Variants in CNTN6 observed in about 807,000 individuals in gnomAD.
CNTN6 encodes the protein contactin-6.
In CNTN6, 137 loss-of-function variants were observed where a neutral mutation model predicts 122.8. The ratio of observed to expected loss-of-function variants is 1.12; its 90% CI spans 0.97 to 1.29. The LOEUF is 1.29. Ranked by LOEUF, CNTN6 falls within the 50% of genes most tolerant of loss-of-function variation. CNTN6 has a pLI of 0.00. For synonymous variants in CNTN6, 570 were observed against 426.0 expected, an observed-to-expected ratio of 1.34 and a Z score of -4.16; for missense variants, 1,634 against 1,223.4, an observed-to-expected ratio of 1.34 and a Z score of -5.01.
intron 1 of CNTN6, among the ~76,000 whole-genome samples, chr3:1,109,696 ATTC>A (rs926505208): frequency 1.0e-3 from 154 of 152,154 alleles, no homozygotes; most frequent in Non-Finnish European, 4.4e-5. Context: ...TATATTTTTT[ATTC>A]TTCTATTTTT....
rs191562940 is a variant in CNTN6 at position 1,154,677 on chromosome 3, T to C, written c.55+6614T>C. Among the ~76,000 whole-genome samples the C allele has an allele frequency of 5.3e-3, 808 of 152,076 alleles. 11 individuals are homozygous for C. The highest frequency in any genetic ancestry group is 0.019 in the African/African-American group (769 of 41,494). On this transcript the variant is annotated intron_variant, in intron 2 of 22. Coordinates refer to ENST00000446702, the MANE Select transcript of CNTN6 (RefSeq NM_001289080.2). ...AGACTGGTCTCGAACTCCCGACCTC[T>C]GGTGTTCCGCCCGCCTCAGCCTCCC...
chr3:1,098,789 C>CACACATATATATATATATATATATAT (rs1211008614), intron 1 of CNTN6, among the ~76,000 whole-genome samples: 2 of 63,252 alleles, frequency 3.2e-5, no homozygotes, highest in Non-Finnish European at 5.5e-5. Context: ...CACACACACA[C>CACACATATATATATATATATATATAT]ATATATATAT....
intron 20 of CNTN6, among the ~76,000 whole-genome samples, chr3:1,390,572 G>A (rs1352748181): frequency 6.6e-6 from 1 of 152,122 alleles, no homozygotes; most frequent in Non-Finnish European, 1.5e-5. Context: ...GAGCACAACT[G>A]AAGGAAATAG....
At chr3:1,358,844 G>A (rs1707026923) in intron 12 of CNTN6, among the ~76,000 whole-genome samples, 1 of 151,974 alleles carries the variant, frequency 6.6e-6, no homozygotes, top group Non-Finnish European at 1.5e-5. Flanking sequence ...GCTGAGGTGG[G>A]AGGATTGCTT....
chr3:1,226,782 A>G (rs940044583), intron 3 of CNTN6, among the ~76,000 whole-genome samples: 10 of 152,262 alleles, frequency 6.6e-5, no homozygotes, highest in Admixed American at 5.2e-4. Context: ...TCTGTTATTA[A>G]TCTTCCTTTC....
chr3:1,295,076 G>A (rs1018799273), intron 5 of CNTN6, among the ~76,000 whole-genome samples: 1 of 152,150 alleles, frequency 6.6e-6, no homozygotes, highest in Non-Finnish European at 1.5e-5. Flanking sequence ...AACATAGTGA[G>A]ACCCCATCTC....
At chr3:1,298,699 T>A (rs965033130) in intron 7 of CNTN6, among the ~76,000 whole-genome samples, 7 of 152,178 alleles carry the variant, frequency 4.6e-5, no homozygotes, top group African/African-American at 1.7e-4. Flanking sequence ...CATTTTCAAA[T>A]GTTAATATGC....
intron 11 of CNTN6, among the ~76,000 whole-genome samples, chr3:1,346,987 A>C (rs370357744): frequency 3.9e-5 from 6 of 152,300 alleles, no homozygotes; most frequent in Non-Finnish European, 7.4e-5. Flanking sequence ...TGGGAAGATT[A>C]AAATGTCGCA....
chr3:1,319,874 A>AAAATAAAATAAAAT (rs1290099156), intron 7 of CNTN6, among the ~76,000 whole-genome samples: 1 of 150,672 alleles, frequency 6.6e-6, no homozygotes, highest in Non-Finnish European at 1.5e-5. Context: ...AAAATAAAAT[A>AAAATAAAATAAAAT]AAAGACATTT....
At chr3:1,096,538 AC>A (rs568075689) in intron 1 of CNTN6, among the ~76,000 whole-genome samples, 99 of 152,218 alleles carry the variant, frequency 6.5e-4, no homozygotes, top group African/African-American at 2.0e-3. Flanking sequence ...ATTTTAATTG[AC>A]AAATTGGTTA....
chr3:1,281,709 A>G (rs1229452945), intron 5 of CNTN6, among the ~76,000 whole-genome samples: 1 of 152,146 alleles, frequency 6.6e-6, no homozygotes, highest in African/African-American at 2.4e-5. Flanking sequence ...AAGTGCTGGG[A>G]TTACAGGCGT....
At chr3:1,327,306 C>A in intron 9 of CNTN6, 151 bp from the exon 10 acceptor site, 1 of 827,896 alleles carries the variant, frequency 1.2e-6, no homozygotes, top group East Asian at 3.0e-5. Context: ...GTTTTTTAAA[C>A]TTAAAAATGC....
chr3:1,264,267 TACAA>T (rs1026047820), intron 4 of CNTN6, among the ~76,000 whole-genome samples: 17 of 152,172 alleles, frequency 1.1e-4, no homozygotes, highest in Non-Finnish European at 2.1e-4. Flanking sequence ...AAGGCGCTGA[TACAA>T]ACAAACGGTG....
At chr3:1,257,717 G>A (rs919952717) in intron 4 of CNTN6, among the ~76,000 whole-genome samples, 14 of 152,086 alleles carry the variant, frequency 9.2e-5, no homozygotes, top group African/African-American at 2.4e-4. Context: ...CACCCCTCCC[G>A]GCAGGGTAGA....
At chr3:1,099,344 G>A (rs1271987883) in intron 1 of CNTN6, among the ~76,000 whole-genome samples, 4 of 151,838 alleles carry the variant, frequency 2.6e-5, no homozygotes, top group East Asian at 3.9e-4. Flanking sequence ...CCAGCTACTG[G>A]GGAGGCTGAG....
intron 1 of CNTN6, among the ~76,000 whole-genome samples, chr3:1,117,542 A>G (rs1394899419): frequency 2.0e-5 from 3 of 152,148 alleles, no homozygotes; most frequent in Admixed American, 6.5e-5. Context: ...ATCAATTTCT[A>G]TATGTGAAAA....
At chr3:1,245,229 T>TACACACAC (rs1353980370) in intron 4 of CNTN6, among the ~76,000 whole-genome samples, 1 of 12,174 alleles carries the variant, frequency 8.2e-5, no homozygotes, top group Non-Finnish European at 1.6e-4. Flanking sequence ...TATATATATA[T>TACACACAC]ATATATACAC....
chr3:1,229,322 C>T (rs2094325045), intron 4 of CNTN6, among the ~76,000 whole-genome samples: 1 of 152,108 alleles, frequency 6.6e-6, no homozygotes, highest in African/African-American at 2.4e-5. Context: ...TTGAACGATT[C>T]TGCCACAGTA....
chr3:1,238,235 G>A (rs1475422689), intron 4 of CNTN6, among the ~76,000 whole-genome samples: 4 of 152,106 alleles, frequency 2.6e-5, no homozygotes, highest in South Asian at 2.1e-4. Flanking sequence ...TATAGTAAAG[G>A]GGTGGAAAAA....
Sources: allele counts gnomAD v4.1 joint callset (sites outside exome capture counted in the v4.1 genomes callset), GRCh38; gene constraint gnomAD v4.1.1; transcripts MANE v1.5; gene names NCBI Gene and HGNC (gene_info 2026-07-23, HGNC 2026-07-21).